Variants in LTF observed in about 807,000 individuals in gnomAD.
The protein encoded by LTF is epididymis luminal protein 110.
LTF carries 91 observed loss-of-function variants against 87.2 expected under a neutral mutation model. The observed-to-expected ratio is 1.04, with a 90% CI of 0.88 to 1.24. The LOEUF (loss-of-function observed/expected upper bound fraction) is 1.24. Ranked by LOEUF, LTF falls within the 50% of genes most tolerant of loss-of-function variation. LTF has a pLI of 0.00. For synonymous variants in LTF, 378 were observed against 356.1 expected (o/e 1.06, Z -0.69); for missense variants, 901 against 904.3 (o/e 1.00, Z 0.05).
At chr3:46,437,872 G>A in intron 16 of LTF, 68 bp downstream of exon 16, 1 of 1,262,888 alleles carries the variant, frequency 7.9e-7, no homozygotes, top group East Asian at 2.3e-5. Context: ...CTAGAATGCT[G>A]TTTGGCCCTC....
At chr3:46,445,195 C>A in intron 12 of LTF, 86 bp downstream of exon 12, 1 of 1,346,170 alleles carries the variant, frequency 7.4e-7, no homozygotes, top group South Asian at 1.4e-5. Flanking sequence ...CCTGCAAATC[C>A]CCTCCCCTCC....
At chr3:46,475,515 AACACACACACACACACAC>A (rs59984149) in intron 1 of LTF, among the ~76,000 whole-genome samples, 76 of 131,068 alleles carry the variant, frequency 5.8e-4, no homozygotes, top group East Asian at 5.2e-3. Flanking sequence ...TCTCCCCCTA[AACACACACACACACACAC>A]ACACACACAC....
chr3:46,466,034 T>C (rs887818687), upstream of LTF, among the ~76,000 whole-genome samples: 6 of 151,864 alleles, frequency 4.0e-5, no homozygotes, highest in Non-Finnish European at 8.8e-5. Flanking sequence ...AGCCCAGGAG[T>C]TCAAGACTAG....
intron 13 of LTF, among the ~76,000 whole-genome samples, chr3:46,442,117 T>C (rs758495422): frequency 2.0e-5 from 3 of 151,720 alleles, no homozygotes; most frequent in Non-Finnish European, 4.4e-5. Flanking sequence ...AAACAAAAAG[T>C]TTGTACAATA....
chr3:46,447,001 G>A (rs1055537296), intron 10 of LTF, among the ~76,000 whole-genome samples: 5 of 152,174 alleles, frequency 3.3e-5, no homozygotes, highest in Non-Finnish European at 7.3e-5. Context: ...GGGCCCGAGA[G>A]CATGGACTGT....
At chr3:46,452,603 G>GCT (rs759964378) in intron 6 of LTF, among the ~76,000 whole-genome samples, 1 of 152,096 alleles carries the variant, frequency 6.6e-6, no homozygotes, top group Non-Finnish European at 1.5e-5. Flanking sequence ...CCTCTCACTG[G>GCT]CTCTCTCTCT....
At position 46,448,950 on chromosome 3, in the gene LTF, GC is replaced by G. The variant is rs1308751536; in HGVS notation, c.1124del (p.Arg375ProfsTer9). 2.5e-6 allele frequency: 4 copies of G among 1,613,418 alleles called. No homozygotes were observed. The highest frequency in any genetic ancestry group is 3.4e-6 in the Non-Finnish European group (4 of 1,179,882). ...TCAAGCCACTCCACTGGTTACACTT[GC>G]GCAGCTCCTGCTCGCCCACCGCACA... Reference protein sequence around the residue: ...VWCAVGEQELRKCNQWSGLSE... With the variant: ...VWCAVGEQELXKCNQWSGLSE... On this transcript the variant is annotated frameshift_variant, in exon 9 of 17. Coordinates refer to ENST00000231751, the MANE Select transcript of LTF (RefSeq NM_002343.6). LOFTEE classifies it high-confidence loss of function.
chr3:46,474,213 A>T (rs1703328685), intron 1 of LTF, among the ~76,000 whole-genome samples: 1 of 152,164 alleles, frequency 6.6e-6, no homozygotes, highest in Non-Finnish European at 1.5e-5. Context: ...TCCACAAGAA[A>T]CTCATTAGAA....
At chr3:46,461,537 C>T (rs1466287648) in intron 1 of LTF, among the ~76,000 whole-genome samples, 3 of 152,154 alleles carry the variant, frequency 2.0e-5, no homozygotes, top group Non-Finnish European at 4.4e-5. Flanking sequence ...CACAAGAGAC[C>T]ACATGCTGTA....
At position 46,439,300 on chromosome 3, in the gene LTF, T is replaced by C; in HGVS notation, c.1904A>G (p.Gln635Arg). The C allele has an allele frequency of 6.2e-7, 1 of 1,610,616 alleles. No homozygotes were observed. The change falls in exon 15 of 17, where the codon CAA (glutamine) becomes CGA (arginine). Residue 635 changes from glutamine to arginine, a missense_variant. Transcript: ENST00000231751. ...TAGAAGCCCTGTGGTCCATACCTGT[T>C]GGTGGAGCAACACCTGTTTCAGGCG... ...VERLKQVLLHQQAKFGRNGSD... is the reference protein window; with the variant it reads ...VERLKQVLLHRQAKFGRNGSD...
chr3:46,445,482 C>A, intron 11 of LTF, 46 bp from the exon 12 acceptor site: 3 of 1,559,482 alleles, frequency 1.9e-6, no homozygotes, highest in Middle Eastern at 3.4e-4. Context: ...CTCCAGGAGG[C>A]CTGGCACATG....
intron 6 of LTF, among the ~76,000 whole-genome samples, chr3:46,452,588 C>G (rs951246481): frequency 2.6e-5 from 4 of 152,230 alleles, no homozygotes; most frequent in Non-Finnish European, 5.9e-5. Context: ...CATTCTCTCT[C>G]TCTTCCTCTC....
intron 9 of LTF, among the ~76,000 whole-genome samples, chr3:46,448,615 C>T (rs1702715625): frequency 6.6e-6 from 1 of 152,116 alleles, no homozygotes; most frequent in Non-Finnish European, 1.5e-5. Flanking sequence ...TAACATAATA[C>T]CTTTCCATAT....
At chr3:46,447,180 C>A in intron 10 of LTF, 128 bp downstream of exon 10, 2 of 680,558 alleles carry the variant, frequency 2.9e-6, no homozygotes, top group Non-Finnish European at 2.6e-6. Flanking sequence ...TTTCTTCTTT[C>A]CCTGATTCTC....
Position 46,450,681 on chromosome 3 carries a change from G to A in LTF, c.704-8C>T, listed in dbSNP as rs374382578. 1.2e-6 allele frequency: 2 copies of A among 1,604,794 alleles called. No homozygotes were observed. The highest frequency in any genetic ancestry group is 1.7e-6 in the Non-Finnish European group (2 of 1,172,092). On this transcript the variant is annotated splice_polypyrimidine_tract_variant and splice_region_variant and intron_variant, in intron 6 of 16. Coordinates refer to ENST00000231751, the MANE Select transcript of LTF (RefSeq NM_002343.6). ...CCTCGTCTGACAGGTCCTCTGCAGG[G>A]AAGGTGAGGTGGGAGGGAGTCTAGA...
exon 1 of LTF, chr3:46,485,056 C>T (rs547754101): frequency 6.6e-6 from 1 of 152,530 alleles, no homozygotes; most frequent in East Asian, 1.9e-4. Context: ...AGACCACAGC[C>T]CAGGGCCCCA....
intron 1 of LTF, among the ~76,000 whole-genome samples, chr3:46,477,936 C>T (rs576013078): frequency 6.6e-6 from 1 of 152,252 alleles, no homozygotes; most frequent in East Asian, 1.9e-4. Flanking sequence ...GCAAGTTCAC[C>T]CTACAGGGAG....
intron 2 of LTF, among the ~76,000 whole-genome samples, chr3:46,457,679 G>A (rs1702971155): frequency 6.6e-6 from 1 of 152,178 alleles, no homozygotes; most frequent in Non-Finnish European, 1.5e-5. Flanking sequence ...TTAGTAAGGG[G>A]AACATCTCAC....
At chr3:46,447,518 T>A (rs995112713) in intron 9 of LTF, 120 bp from the exon 10 acceptor site, 2 of 746,656 alleles carry the variant, frequency 2.7e-6, no homozygotes, top group Admixed American at 3.7e-5. Context: ...CAGAAAGAGA[T>A]GGACTATTCA....
Sources: allele counts gnomAD v4.1 joint callset (sites outside exome capture counted in the v4.1 genomes callset), GRCh38; gene constraint gnomAD v4.1.1; transcripts MANE v1.5; gene names NCBI Gene and HGNC (gene_info 2026-07-23, HGNC 2026-07-21).